Variants in ID2 observed in about 807,000 individuals in gnomAD.
The protein encoded by ID2 is DNA-binding protein inhibitor ID-2.
A neutral mutation model predicts 8.3 loss-of-function variants in ID2; 2 were observed. The ratio of observed to expected loss-of-function variants is 0.24; its 90% CI spans 0.10 to 0.76. ID2 has a LOEUF of 0.76. ID2 is among the 30% of genes least tolerant of loss of function. The pLI, the probability that ID2 is intolerant of heterozygous loss-of-function variation, is 0.73. For missense variants in ID2, 155 were observed against 167.0 expected (o/e 0.93, Z 0.40); for synonymous variants, 112 against 72.3 (o/e 1.55, Z -2.79).
At position 8,682,142 on chromosome 2, in the gene ID2, G is replaced by C. The variant is rs770040631; in HGVS notation, c.-24G>C. ...CTTCAGGGCAGCCAGCTCCCTCCCGGTCTCGCCTTCCCTCGCGGTCAGCAT... is the reference window on the plus strand; with the variant it reads ...CTTCAGGGCAGCCAGCTCCCTCCCGCTCTCGCCTTCCCTCGCGGTCAGCAT... On this transcript the variant is annotated 5_prime_UTR_variant, in exon 1 of 3. Transcript: ENST00000396290. The C allele has an allele frequency of 6.3e-7, 1 of 1,596,304 alleles. No homozygotes were observed. Among genetic ancestry groups the C allele is most frequent in the African/African-American group, 1.3e-5 (1 of 74,566 alleles).
At chr2:8,683,028 C>T (rs1662131441) in intron 2 of ID2, 122 bp downstream of exon 2, 2 of 780,114 alleles carry the variant, frequency 2.6e-6, no homozygotes, top group African/African-American at 1.7e-5. Flanking sequence ...GCTTACTTCG[C>T]GGTGTTACCC....
intron 1 of ID2, 82 bp downstream of exon 1, chr2:8,682,595 A>G (rs1662112918): frequency 9.9e-7 from 1 of 1,011,772 alleles, no homozygotes; most frequent in Non-Finnish European, 1.5e-6. Flanking sequence ...TCCGTAGCCC[A>G]GACGGTGACT....
At chr2:8,683,300 T>C (rs1662143414) in intron 2 of ID2, among the ~76,000 whole-genome samples, 1 of 152,188 alleles carries the variant, frequency 6.6e-6, no homozygotes, top group Non-Finnish European at 1.5e-5. Context: ...TATAGTCCTC[T>C]GGGATTCTCT....
chr2:8,682,774 A>AC lies in ID2; in HGVS notation c.349-69_349-68insC, dbSNP rs1427639435. 6.2e-6 allele frequency: 7 copies of AC among 1,136,238 alleles called. No homozygotes were observed. In the African/African-American group the frequency reaches 7.0e-5, roughly 11 times the overall value. 70.4% of individuals were successfully genotyped at this position (1,136,238 alleles called of 1,614,324 possible). A position where few individuals can be genotyped will look rare whatever the true frequency, so the allele number is the denominator to read the frequency against. ...GGTCTGTGGACTACAAAAAAAAAAA[A>AC]AAAAAAAAAAAAACCCTTTCTACTT... On this transcript the variant is annotated intron_variant, in intron 1 of 2. Coordinates refer to ENST00000396290, the MANE Select transcript of ID2 (RefSeq NM_002166.5).
Position 8,682,100 on chromosome 2 carries a change from G to GGCA in ID2, c.-63_-61dup, listed in dbSNP as rs1326458585. On this transcript the variant is annotated 5_prime_UTR_variant, in exon 1 of 3. Transcript: ENST00000396290. ...GCCAAGCGCAGCTAGCTCAGCAGGC[G>GGCA]GCAGCGGCGGCCTGAGCTTCAGGGC... The GGCA allele has an allele frequency of 7.7e-7, 1 of 1,297,600 alleles. No individual in the cohort carries two copies. 80.4% of individuals were successfully genotyped at this position (1,297,600 alleles called of 1,614,324 possible).
In ID2 at chr2:8,682,154, C is replaced by G. The variant is rs371697958; in HGVS notation, c.-12C>G. ...CAGCTCCCTCCCGGTCTCGCCTTCC[C>G]TCGCGGTCAGCATGAAAGCCTTCAG... On this transcript the variant is annotated 5_prime_UTR_variant, in exon 1 of 3. Coordinates refer to ENST00000396290, the MANE Select transcript of ID2 (RefSeq NM_002166.5). 85 of 1,608,060 alleles carry G rather than the reference C, an allele frequency of 5.3e-5. 1 individual carries two copies. The African/African-American group carries it at 9.7e-4, about 18-fold the overall frequency.
rs773067195 is a variant in ID2, at chr2:8,682,291, C to T, written c.126C>T (p.Cys42=). The change falls in exon 1 of 3, where the codon TGC becomes TGT. Residue 42 remains cysteine, a synonymous_variant. Transcript: ENST00000396290. Reference sequence around the variant, plus strand: ...GCCTGCTATACAACATGAACGACTGCTACTCCAAGCTCAAGGAGCTGGTGC... The same window carrying T: ...GCCTGCTATACAACATGAACGACTGTTACTCCAAGCTCAAGGAGCTGGTGC... ...PMSLLYNMND[C]YSKLKELVPS... The T allele has an allele frequency of 4.3e-6, 7 of 1,614,172 alleles. No individual in the cohort carries two copies. In the South Asian group the frequency reaches 5.5e-5, roughly 13 times the overall value.
intron 2 of ID2, 156 bp downstream of exon 2, chr2:8,683,062 T>G (rs534587167): frequency 3.1e-5 from 20 of 654,752 alleles, no homozygotes; most frequent in Admixed American, 2.3e-4. Context: ...TCACTAGACA[T>G]GAAGGAGCTT....
At chr2:8,683,468 T>G (rs1214578368) in intron 2 of ID2, among the ~76,000 whole-genome samples, 1 of 152,174 alleles carries the variant, frequency 6.6e-6, no homozygotes, top group African/African-American at 2.4e-5. Context: ...AATAGGAGAT[T>G]GGGTTGGGAA....
At position 8,682,998 on chromosome 2, in the gene ID2, G is replaced by C. The variant is rs1019189405; in HGVS notation, c.*7+92G>C. ...GTTTTTGCTTGTGTATCTATAAAAT[G>C]TCTGATTTGGTAAATGCATGCTTAC... On this transcript the variant is annotated intron_variant, in intron 2 of 2. Coordinates refer to ENST00000396290, the MANE Select transcript of ID2 (RefSeq NM_002166.5). 20 of 936,326 alleles carry C rather than the reference G, an allele frequency of 2.1e-5. No homozygotes were observed. The African/African-American group carries it at 3.2e-4, about 15-fold the overall frequency. 58.0% of individuals were successfully genotyped at this position (936,326 alleles called of 1,614,324 possible).
chr2:8,684,126 A>AT lies in ID2; in HGVS notation c.*452dup, dbSNP rs1422443638. On this transcript the variant is annotated 3_prime_UTR_variant, in exon 3 of 3. Coordinates refer to ENST00000396290, the MANE Select transcript of ID2 (RefSeq NM_002166.5). The stretch of plus-strand genomic sequence containing the variant: ...CAAGCCTACTGAATGCTGTGTATAT[A>AT]TTTATATATAAATATATCTATTTGA... 2.0e-5 allele frequency: 3 copies of AT among 152,190 alleles called. No homozygotes were observed. Among genetic ancestry groups the AT allele is most frequent in the Non-Finnish European group, 4.4e-5 (3 of 68,032 alleles). The allele number at this position is 152,190 out of a possible 1,614,324, so 9.4% of individuals were successfully genotyped here.
Position 8,682,846 on chromosome 2 carries a change from T to A in ID2, c.352T>A (p.Ser118Thr). The A allele has an allele frequency of 6.2e-7, 1 of 1,612,544 alleles. No homozygotes were observed. Among genetic ancestry groups the A allele is most frequent in the East Asian group, 2.2e-5 (1 of 44,874 alleles). The change falls in exon 2 of 3, where the codon TCT becomes ACT. Residue 118 changes from serine (S) to threonine (T), a missense_variant. By Grantham distance (58) the Ser-to-Thr change is moderately conservative. Transcript: ENST00000396290. ...TDISILSLQA[S>T]EFPSELMSND... The stretch of plus-strand genomic sequence containing the variant: ...TCTTTATCCTCTTTCTTTCCAGGCT[T>A]CTGAATTCCCTTCTGAGTTAATGTC...
chr2:8,684,303 A>C lies in ID2; in HGVS notation c.*626A>C, dbSNP rs1009837922. ...TTAACCCTTTTATACAAAATAAATC[A>C]AGTGTGTTTATTGAATGGTGATTGC... On this transcript the variant is annotated 3_prime_UTR_variant, in exon 3 of 3. Transcript: ENST00000396290. The C allele has an allele frequency of 2.0e-5, 3 of 152,486 alleles. No homozygotes were observed. Among genetic ancestry groups the C allele is most frequent in the Admixed American group, 6.5e-5 (1 of 15,274 alleles). 9.4% of individuals were successfully genotyped at this position (152,486 alleles called of 1,614,324 possible). A position where few individuals can be genotyped will look rare whatever the true frequency, so the allele number is the denominator to read the frequency against.
intron 2 of ID2, 90 bp from the exon 3 acceptor site, chr2:8,683,595 A>G (rs975332466): frequency 1.2e-4 from 19 of 152,360 alleles, no homozygotes; most frequent in African/African-American, 4.6e-4. Context: ...TTAAATGTTC[A>G]AACTGTGGCT....
intron 1 of ID2, 75 bp from the exon 2 acceptor site, chr2:8,682,762 CAAAAAA>C (rs373887089): frequency 1.1e-3 from 820 of 746,416 alleles, no homozygotes; most frequent in East Asian, 2.9e-3. Flanking sequence ...CTGTGGACTA[CAAAAAA>C]AAAAAAAAAA....
intron 2 of ID2, 182 bp downstream of exon 2, chr2:8,683,088 C>A: frequency 1.6e-6 from 1 of 612,182 alleles, no homozygotes; most frequent in South Asian, 1.9e-5. Flanking sequence ...TTTGGGTGCT[C>A]GAGATCACAG....
intron 2 of ID2, 98 bp downstream of exon 2, chr2:8,683,004 T>G (rs1662131050): frequency 6.7e-6 from 6 of 897,926 alleles, no homozygotes; most frequent in Non-Finnish European, 1.1e-5. Flanking sequence ...AAATGTCTGA[T>G]TTGGTAAATG....
Position 8,682,247 on chromosome 2 carries a change from C to T in ID2, c.82C>T (p.Pro28Ser), listed in dbSNP as rs572163800. 3.1e-6 allele frequency: 5 copies of T among 1,614,134 alleles called. No homozygotes were observed. The highest frequency in any genetic ancestry group is 1.6e-4 in the Middle Eastern group (1 of 6,062). ...CCTGGGCATCTCCCGGAGCAAAACC[C>T]CTGTGGACGACCCGATGAGCCTGCT... ...HSLGISRSKTPVDDPMSLLYN... is the reference protein window; with the variant it reads ...HSLGISRSKTSVDDPMSLLYN... The change falls in exon 1 of 3, where the codon CCT (proline) becomes TCT (serine). Residue 28 changes from proline to serine, a missense_variant. By Grantham distance (74) the Pro-to-Ser change is moderately conservative (BLOSUM62 -1). Coordinates refer to ENST00000396290, the MANE Select transcript of ID2 (RefSeq NM_002166.5).
rs1300975413 is a variant in ID2 at position 8,682,223 on chromosome 2, C to T, written c.58C>T (p.Leu20=). ...VRKNSLSDHS[L]GISRSKTPVD... is the part of the protein sequence containing the mutation. Reference sequence around the variant, plus strand: ...GAAAAACAGCCTGTCGGACCACAGCCTGGGCATCTCCCGGAGCAAAACCCC... The same window carrying T: ...GAAAAACAGCCTGTCGGACCACAGCTTGGGCATCTCCCGGAGCAAAACCCC... Residue 20 remains leucine, a synonymous_variant, in exon 1 of 3, where the codon CTG becomes TTG. Coordinates refer to ENST00000396290, the MANE Select transcript of ID2 (RefSeq NM_002166.5). The T allele has an allele frequency of 5.6e-6, 9 of 1,613,972 alleles. No homozygotes were observed. The highest frequency in any genetic ancestry group is 6.8e-6 in the Non-Finnish European group (8 of 1,180,038).
Sources: gnomAD v4.1 joint callset for allele counts (sites outside exome capture counted in the v4.1 genomes callset) on GRCh38, gnomAD v4.1.1 for gene constraint, MANE v1.5 for transcripts, NCBI Gene and HGNC (gene_info 2026-07-23, HGNC 2026-07-21) for gene names.